The following COL6A3 variants were observed in gnomAD, a reference collection of about 807,000 sequenced individuals.
The protein encoded by COL6A3 is collagen type VI alpha 3 chain, also known as collagen alpha-3(VI) chain.
A neutral mutation model predicts 274.1 loss-of-function variants in COL6A3; 137 were observed. That is an observed-to-expected ratio of 0.50 (90% CI 0.44 to 0.58). The LOEUF is 0.58. Ranked by LOEUF, COL6A3 falls within the 20% of genes least tolerant of loss-of-function variation. The pLI is 0.00. For synonymous variants in COL6A3, 1,650 were observed against 1,650.6 expected, an observed-to-expected ratio of 1.00 and a Z score of 0.01; for missense variants, 3,950 against 4,124.9, an observed-to-expected ratio of 0.96 and a Z score of 1.16.
chr2:237,383,321 CA>C (rs1458758329), intron 4 of COL6A3, among the ~76,000 whole-genome samples: 9 of 152,202 alleles, frequency 5.9e-5, no homozygotes, highest in Non-Finnish European at 8.8e-5. Flanking sequence ...ACTGGTGTAA[CA>C]ATGTGTGCAG....
chr2:237,347,892 G>A (rs780878316), intron 30 of COL6A3, 23 bp from the exon 31 acceptor site: 18 of 1,599,108 alleles, frequency 1.1e-5, no homozygotes, highest in Non-Finnish European at 1.5e-5. Flanking sequence ...CCGAGAAGTG[G>A]CACAGTAAGC....
In COL6A3 at chr2:237,374,381, T is replaced by C. The variant is rs781508123; in HGVS notation, c.3679+31A>G. ...GACAAGTAGCCCCAGACAATGACAC[T>C]GAGTGAGGATGCAAAGAGTTCCCTG... is the stretch of plus-strand genomic sequence containing the variant. On this transcript the variant is annotated intron_variant, in intron 8 of 43. Transcript: ENST00000295550. This position sits in a 1 kb window ranked among gnomAD's most constrained non-coding sequence, Gnocchi z 4.8. 8 of 1,607,476 alleles carry C rather than the reference T, an allele frequency of 5.0e-6. No individual in the cohort carries two copies. The highest frequency in any genetic ancestry group is 1.1e-5 in the South Asian group (1 of 90,778).
chr2:237,388,508 T>C (rs2078210365), intron 3 of COL6A3, among the ~76,000 whole-genome samples: 1 of 152,216 alleles, frequency 6.6e-6, no homozygotes, highest in Admixed American at 6.5e-5. Flanking sequence ...AAATTTCCAC[T>C]AAATTTGGAG....
chr2:237,394,906 G>A lies in COL6A3; in HGVS notation c.390C>T (p.Leu130=), dbSNP rs760466358. 3 of 1,612,286 alleles carry A rather than the reference G, an allele frequency of 1.9e-6. No individual in the cohort carries two copies. The highest frequency in any genetic ancestry group is 2.5e-6 in the Non-Finnish European group (3 of 1,178,428). ...CGGCCCGGCTTCCAGCAGCCTTGGT[G>A]AGGTGGCTTTGCATTATGTATTCTA... ...KGLEYIMQSH[L]TKAAGSRAGD... Residue 130 remains leucine, a synonymous_variant, in exon 3 of 44, where the codon CTC becomes CTT. Coordinates refer to ENST00000295550, the MANE Select transcript of COL6A3 (RefSeq NM_004369.4).
rs2077600862 is a variant in COL6A3, at chr2:237,368,278, A to G, written c.4900+285T>C. On this transcript the variant is annotated intron_variant, in intron 10 of 43. Coordinates refer to ENST00000295550, the MANE Select transcript of COL6A3 (RefSeq NM_004369.4). The surrounding 1 kb of genome is among the most constrained non-coding windows in gnomAD (Gnocchi z 4.4). Reference sequence around the variant, plus strand: ...TGGGGCATGGACTGGCTGATTTCAAAGATGCCATCCTATTCTGAGAGCCAA... The same window carrying G: ...TGGGGCATGGACTGGCTGATTTCAAGGATGCCATCCTATTCTGAGAGCCAA... Among the ~76,000 whole-genome samples the G allele has an allele frequency of 6.6e-6, 1 of 152,230 alleles. No individual in the cohort carries two copies. The highest frequency in any genetic ancestry group is 2.4e-5 in the African/African-American group (1 of 41,466).
At chr2:237,363,134 T>G (rs1274751161) in intron 14 of COL6A3, 119 bp downstream of exon 14, 6 of 991,318 alleles carry the variant, frequency 6.1e-6, no homozygotes, top group African/African-American at 2.5e-5. Context: ...AATTTAACTA[T>G]CTACCAAGGC....
chr2:237,394,595 T>A lies in COL6A3; in HGVS notation c.701A>T (p.Asp234Val). The A allele has an allele frequency of 6.2e-7, 1 of 1,614,014 alleles. No individual in the cohort carries two copies. Among genetic ancestry groups the A allele is most frequent in the Non-Finnish European group, 8.5e-7 (1 of 1,180,026 alleles). ...ERAGDTETLK[D>V]ITAQDSADII... ...GGTGGCGTTGCCATTACCTGTGATG[T>A]CTTTAAGGGTTTCCGTGTCCCCAGC... Residue 234 changes from aspartate to valine, a missense_variant, in exon 3 of 44, where the codon GAC becomes GTC. Asp to Val is a radical substitution (Grantham distance 152). Coordinates refer to ENST00000295550, the MANE Select transcript of COL6A3 (RefSeq NM_004369.4).
chr2:237,340,128 C>T (rs111410929), intron 38 of COL6A3, among the ~76,000 whole-genome samples: 2,608 of 152,202 alleles, frequency 0.017, 80 homozygotes, highest in African/African-American at 0.057. Flanking sequence ...TTATGTCATG[C>T]GTAATAAATG....
chr2:237,369,200 G>A (rs2077627712), intron 9 of COL6A3, 23 bp from the exon 10 acceptor site: 1 of 1,603,932 alleles, frequency 6.2e-7, no homozygotes. Flanking sequence ...GAAGAAAAAG[G>A]GAAACATTCA....
At chr2:237,396,473 A>G (rs1293359945) in intron 2 of COL6A3, among the ~76,000 whole-genome samples, 3 of 152,234 alleles carry the variant, frequency 2.0e-5, no homozygotes. Context: ...CATCCAATGT[A>G]AAAACAAATC....
rs572595356 is a variant in COL6A3 at position 237,355,795 on chromosome 2, C to G, written c.6592-861G>C. 2.0e-5 allele frequency: 3 copies of G among 152,236 alleles called. No homozygotes were observed. The South Asian group carries it at 6.2e-4, about 31-fold the overall frequency. The allele number at this position is 152,236 out of a possible 1,614,324, so 9.4% of individuals were successfully genotyped here. A position where few individuals can be genotyped will look rare whatever the true frequency, so the allele number is the denominator to read the frequency against. On this transcript the variant is annotated intron_variant, in intron 23 of 43. Transcript: ENST00000295550. ...TTATTCGCTGTAATGCCACCTGCTT[C>G]AGCGGAAGATCTTGGCCACCTTCCA...
intron 41 of COL6A3, among the ~76,000 whole-genome samples, chr2:237,333,859 T>A (rs1433025100): frequency 6.6e-6 from 1 of 152,200 alleles, no homozygotes; most frequent in East Asian, 1.9e-4. Context: ...TTTGGACTCA[T>A]ATCTCTATGG....
chr2:237,399,425 C>T (rs924220366), intron 1 of COL6A3, among the ~76,000 whole-genome samples: 17 of 152,322 alleles, frequency 1.1e-4, no homozygotes, highest in South Asian at 6.2e-4. Context: ...ATGCCTGACG[C>T]GGAATGGATG....
At chr2:237,348,803 A>G (rs1574956089) in intron 28 of COL6A3, 140 bp from the exon 29 acceptor site, 3 of 749,050 alleles carry the variant, frequency 4.0e-6, no homozygotes, top group East Asian at 2.7e-5. Flanking sequence ...GAGTAGGCAC[A>G]CTTCCTGCTC....
chr2:237,324,921 C>G, intron 43 of COL6A3, 107 bp from the exon 44 acceptor site: 5 of 1,137,252 alleles, frequency 4.4e-6, no homozygotes, highest in Non-Finnish European at 6.5e-6. Context: ...ATGACACAGT[C>G]CCGCAGCCTC....
chr2:237,360,037 C>T (rs375126856), intron 17 of COL6A3, 51 bp downstream of exon 17: 18 of 1,584,072 alleles, frequency 1.1e-5, no homozygotes, highest in South Asian at 8.9e-5. Context: ...GGAGAAACTG[C>T]GAGTCACCTG....
Position 237,367,194 on chromosome 2 carries a change from T to C in COL6A3, c.4993A>G (p.Ile1665Val). ...CCATCTTCATAAACTGTGTCCACTA[T>C]TTCAGACACAAAACGAAGCACTTCC... Reference protein sequence around the residue: ...FQEVLRFVSEIVDTVYEDGDS... With the variant: ...FQEVLRFVSEVVDTVYEDGDS... Residue 1665 changes from isoleucine (I) to valine (V), a missense_variant, in exon 11 of 44, where the codon ATA becomes GTA. Coordinates refer to ENST00000295550, the MANE Select transcript of COL6A3 (RefSeq NM_004369.4). 2 of 1,614,102 alleles carry C rather than the reference T, an allele frequency of 1.2e-6. No individual in the cohort carries two copies. Among genetic ancestry groups the C allele is most frequent in the Non-Finnish European group, 1.7e-6 (2 of 1,179,964 alleles).
chr2:237,382,151 G>A (rs942944835), intron 4 of COL6A3, among the ~76,000 whole-genome samples: 1 of 152,208 alleles, frequency 6.6e-6, no homozygotes, highest in African/African-American at 2.4e-5. Context: ...GGGAGGCTGA[G>A]GCAGGTGGAT....
chr2:237,345,725 G>A (rs1304617091), intron 32 of COL6A3, among the ~76,000 whole-genome samples: 1 of 152,080 alleles, frequency 6.6e-6, no homozygotes, highest in Non-Finnish European at 1.5e-5. Context: ...GCATCTCATG[G>A]GCCATTAGTT....
Sources: gnomAD v4.1 joint callset for allele counts (sites outside exome capture counted in the v4.1 genomes callset) on GRCh38, gnomAD v4.1.1 for gene constraint, Gnocchi (gnomAD v3.1) non-coding constraint, MANE v1.5 for transcripts, NCBI Gene and HGNC (gene_info 2026-07-23, HGNC 2026-07-21) for gene names.